EIF5A: variants seen among roughly 807,000 people sequenced by gnomAD.
EIF5A encodes the protein eukaryotic translation initiation factor 5A.
Under a neutral mutation model 16.6 loss-of-function variants are expected in EIF5A, and 1 was observed. The observed-to-expected ratio is 0.06, with a 90% CI of 0.02 to 0.28. The LOEUF (loss-of-function observed/expected upper bound fraction) is 0.28, where lower values mean the gene tolerates loss of function less well. EIF5A is among the 10% of genes least tolerant of loss of function. The pLI, the probability that EIF5A is intolerant of heterozygous loss-of-function variation, is 1.00. For synonymous variants in EIF5A, 80 were observed against 73.6 expected, an observed-to-expected ratio of 1.09 and a Z score of -0.44; for missense variants, 29 against 196.1, an observed-to-expected ratio of 0.15 and a Z score of 5.09.
At chr17:7,307,399 TA>T, upstream of EIF5A, 3 of 1,167,560 alleles carry the variant, frequency 2.6e-6, no homozygotes, top group South Asian at 3.4e-5. Flanking sequence ...TTGAAGAGAT[TA>T]AAAAACCGGG....
At chr17:7,308,207 GTC>G in intron 1 of EIF5A, 1 of 1,030,680 alleles carries the variant, frequency 9.7e-7, no homozygotes, top group Non-Finnish European at 1.2e-6. Context: ...GCCTGGCGCA[GTC>G]TCTGAGGAGG....
At chr17:7,307,092 C>G, upstream of EIF5A, 2 of 1,602,262 alleles carry the variant, frequency 1.2e-6, no homozygotes, top group East Asian at 2.2e-5. Flanking sequence ...GCGCCCACCC[C>G]ACAGAGCAAG....
chr17:7,311,218 G>A (rs2072816415), intron 3 of EIF5A, 96 bp downstream of exon 3: 3 of 1,579,222 alleles, frequency 1.9e-6, no homozygotes, highest in Non-Finnish European at 1.7e-6. Flanking sequence ...TGCTGGGAGA[G>A]AGGAGGGAAA....
chr17:7,309,659 G>A lies in EIF5A; in HGVS notation c.24G>A (p.Glu8=). 1.2e-6 allele frequency: 2 copies of A among 1,614,212 alleles called. No homozygotes were observed. Among genetic ancestry groups the A allele is most frequent in the Non-Finnish European group, 1.7e-6 (2 of 1,180,038 alleles). MADDLDF[E]TGDAGASATF... is the part of the protein sequence containing the mutation. The stretch of plus-strand genomic sequence containing the variant: ...AAATGGCAGATGACTTGGACTTCGA[G>A]ACAGGAGATGCAGGGGCCTCAGCCA... The change falls in exon 2 of 6, where the codon GAG becomes GAA. Residue 8 remains glutamate (E), a synonymous_variant. Transcript: ENST00000336458.
At position 7,311,897 on chromosome 17, in the gene EIF5A, G is replaced by T; in HGVS notation, c.*87G>T. ...CCGAGCCTGGCCTGGCTCTGGCCCG[G>T]TCCTAAGCTGGACTCCTCCTACACA... is the stretch of plus-strand genomic sequence containing the variant. On this transcript the variant is annotated 3_prime_UTR_variant, in exon 6 of 6. Coordinates refer to ENST00000336458, the MANE Select transcript of EIF5A (RefSeq NM_001970.5). 1.6e-6 allele frequency: 1 copy of T among 606,750 alleles called. No individual in the cohort carries two copies. Among genetic ancestry groups the T allele is most frequent in the Non-Finnish European group, 3.0e-6 (1 of 335,628 alleles). 37.6% of individuals were successfully genotyped at this position (606,750 alleles called of 1,614,324 possible).
intron 1 of EIF5A, among the ~76,000 whole-genome samples, chr17:7,308,969 T>G (rs1350782238): frequency 6.6e-6 from 1 of 152,184 alleles, no homozygotes; most frequent in African/African-American, 2.4e-5. Flanking sequence ...GGTTCCTGGG[T>G]TCTCTTTGGG....
Position 7,310,209 on chromosome 17 carries a change from G to A in EIF5A, c.165+409G>A, listed in dbSNP as rs1259388805. Reference sequence around the variant, plus strand: ...CCAATTCTACGCCTTCCCCTGGAGGGACTCCTGCGTCAATTCTGAGCTTTC... The same window carrying A: ...CCAATTCTACGCCTTCCCCTGGAGGAACTCCTGCGTCAATTCTGAGCTTTC... On this transcript the variant is annotated intron_variant, in intron 2 of 5. Coordinates refer to ENST00000336458, the MANE Select transcript of EIF5A (RefSeq NM_001970.5). 4.6e-6 allele frequency: 6 copies of A among 1,290,972 alleles called. No homozygotes were observed. In the African/African-American group the frequency reaches 6.1e-5, roughly 13 times the overall value. 80.0% of individuals were successfully genotyped at this position (1,290,972 alleles called of 1,614,324 possible).
chr17:7,311,277 T>TATCA, intron 3 of EIF5A, 73 bp from the exon 4 acceptor site: 1 of 1,610,476 alleles, frequency 6.2e-7, no homozygotes, highest in Admixed American at 1.7e-5. Flanking sequence ...CCAGTTTGTC[T>TATCA]ATCAGAGCCT....
chr17:7,311,697 C>T (rs995792148), intron 5 of EIF5A, 46 bp downstream of exon 5: 8 of 1,609,706 alleles, frequency 5.0e-6, no homozygotes, highest in African/African-American at 1.3e-5. Context: ...TTTTGTTGTC[C>T]TCAGCAGAGC....
upstream of EIF5A, chr17:7,307,000 C>A (rs758106490): frequency 1.3e-6 from 2 of 1,525,024 alleles, no homozygotes; most frequent in Admixed American, 2.0e-5. Flanking sequence ...GGGAACCCGA[C>A]CACACTAGCG....
At chr17:7,307,440 A>T, upstream of EIF5A, 73 of 1,060,590 alleles carry the variant, frequency 6.9e-5, no homozygotes, top group Non-Finnish European at 8.2e-5. Flanking sequence ...TTAGTTGAAA[A>T]CGCTCAGGGT....
Position 7,309,806 on chromosome 17 carries a change from A to C in EIF5A, c.165+6A>C, listed in dbSNP as rs754188487. On this transcript the variant is annotated splice_donor_region_variant and intron_variant, in intron 2 of 5. Coordinates refer to ENST00000336458, the MANE Select transcript of EIF5A (RefSeq NM_001970.5). ...GCAAGCACGGCCACGCCAAGGTTAG[A>C]ATTTCACCTCCGCATCTTGCCTTCC... is the stretch of plus-strand genomic sequence containing the variant. 1.9e-6 allele frequency: 3 copies of C among 1,614,178 alleles called. No homozygotes were observed. Among genetic ancestry groups the C allele is most frequent in the East Asian group, 4.5e-5 (2 of 44,892 alleles).
chr17:7,310,926 C>T, intron 2 of EIF5A, 92 bp from the exon 3 acceptor site: 1 of 1,482,414 alleles, frequency 6.7e-7, no homozygotes, highest in Non-Finnish European at 9.0e-7. Context: ...CAATGTAATT[C>T]TGACTTCCCT....
At chr17:7,307,045 G>C (rs372622992), upstream of EIF5A, 1 of 1,594,364 alleles carries the variant, frequency 6.3e-7, no homozygotes. Context: ...CATCTCCCGC[G>C]CATGTGTGGA....
chr17:7,311,991 T>TA lies in EIF5A; in HGVS notation c.*182dup, dbSNP rs907565554. 1 of 363,018 alleles carries TA rather than the reference T, an allele frequency of 2.8e-6. No homozygotes were observed. Among genetic ancestry groups the TA allele is most frequent in the African/African-American group, 2.1e-5 (1 of 47,914 alleles). 22.5% of individuals were successfully genotyped at this position (363,018 alleles called of 1,614,324 possible). On this transcript the variant is annotated 3_prime_UTR_variant, in exon 6 of 6. Transcript: ENST00000336458. ...TGTCGGGGAGCCCCTGCCCTTCACCTAGCTCCCTTGGCCAGGAGCGAGCGA... is the reference window on the plus strand; with the variant it reads ...TGTCGGGGAGCCCCTGCCCTTCACCTAAGCTCCCTTGGCCAGGAGCGAGCGA...
upstream of EIF5A, chr17:7,307,093 A>G: frequency 4.4e-6 from 7 of 1,602,280 alleles, no homozygotes; most frequent in Non-Finnish European, 6.0e-6. Flanking sequence ...CGCCCACCCC[A>G]CAGAGCAAGT....
In EIF5A at chr17:7,311,379, A is replaced by T. The variant is rs1380169177; in HGVS notation, c.300A>T (p.Ser100=). 8.1e-6 allele frequency: 13 copies of T among 1,614,094 alleles called. No individual in the cohort carries two copies. The highest frequency in any genetic ancestry group is 1.1e-5 in the Non-Finnish European group (13 of 1,180,006). The part of the protein sequence containing the change: ...QLIGIQDGYL[S]LLQDSGEVRE... ...TTGGCATCCAGGATGGGTACCTATCACTGCTCCAGGACAGCGGGGAGGTAC... is the reference window on the plus strand; with the variant it reads ...TTGGCATCCAGGATGGGTACCTATCTCTGCTCCAGGACAGCGGGGAGGTAC... The change falls in exon 4 of 6, where the codon TCA becomes TCT. Residue 100 remains serine (S), a synonymous_variant. Transcript: ENST00000336458.
upstream of EIF5A, chr17:7,307,200 G>A: frequency 1.4e-6 from 2 of 1,437,662 alleles, no homozygotes; most frequent in Admixed American, 2.3e-5. Flanking sequence ...ATCTAGCGGC[G>A]TGGTCTTTTC....
chr17:7,307,226 G>A, upstream of EIF5A: 1 of 1,310,342 alleles, frequency 7.6e-7, no homozygotes, highest in South Asian at 1.5e-5. Flanking sequence ...CTGGCGTACT[G>A]ACGGCGTCTG....
Sources: gnomAD v4.1 joint callset for allele counts (sites outside exome capture counted in the v4.1 genomes callset) on GRCh38, gnomAD v4.1.1 for gene constraint, MANE v1.5 for transcripts, NCBI Gene and HGNC (gene_info 2026-07-23, HGNC 2026-07-21) for gene names.